The following BLTP1 variants were observed in gnomAD, a reference collection of about 807,000 sequenced individuals.
The protein encoded by BLTP1 is bridge-like lipid transfer protein family member 1.
the BLTP1 span, chr4:122,347,807 G>T: frequency 2.0e-6 from 3 of 1,525,008 alleles, no homozygotes; most frequent in South Asian, 3.5e-5. Flanking sequence ...GTTATCAGTA[G>T]CCCTACAGTG....
the BLTP1 span, among the ~76,000 whole-genome samples, chr4:122,355,347 A>T: frequency 6.6e-6 from 1 of 152,152 alleles, no homozygotes; most frequent in East Asian, 1.9e-4. Flanking sequence ...ATCCTATTTA[A>T]TCTCAAATTC....
At chr4:122,328,793 C>A in the BLTP1 span, 6 of 974,962 alleles carry the variant, frequency 6.2e-6, no homozygotes, top group Non-Finnish European at 6.1e-6. Context: ...AAAGAAATAA[C>A]ATGAAATGGT....
At chr4:122,355,570 T>TATATATATAAATATATGTATATATAC in the BLTP1 span, among the ~76,000 whole-genome samples, 2 of 148,656 alleles carry the variant, frequency 1.3e-5, no homozygotes, top group Non-Finnish European at 3.0e-5. Context: ...ATATCATATG[T>TATATATATAAATATATGTATATATAC]ATATATATAA....
At chr4:122,344,202 C>T in the BLTP1 span, 4 of 418,380 alleles carry the variant, frequency 9.6e-6, no homozygotes, top group African/African-American at 6.5e-5. Flanking sequence ...GGGTTTGAAC[C>T]TCTTAAATTG....
chr4:122,237,409 C>T, the BLTP1 span: 1 of 951,006 alleles, frequency 1.1e-6, no homozygotes. Flanking sequence ...TATTGAGTGC[C>T]TTCTGTGTAT....
the BLTP1 span, chr4:122,336,767 A>G: frequency 5.4e-6 from 7 of 1,296,482 alleles, no homozygotes; most frequent in African/African-American, 7.7e-5. Context: ...TACAGAAGCA[A>G]ATGTTTCCGG....
the BLTP1 span, chr4:122,274,836 G>A: frequency 1.5e-3 from 234 of 155,578 alleles, no homozygotes; most frequent in Middle Eastern, 3.3e-3. Context: ...ATTAGTCCTA[G>A]ATTGACTAAG....
At chr4:122,235,527 C>T in the BLTP1 span, 902 of 971,866 alleles carry the variant, frequency 9.3e-4, 7 homozygotes, top group African/African-American at 0.015. Flanking sequence ...TAACTCTGGC[C>T]GGGCGTGGTG....
At chr4:122,215,312 C>A in the BLTP1 span, 1 of 927,118 alleles carries the variant, frequency 1.1e-6, no homozygotes, top group Non-Finnish European at 1.3e-6. Context: ...CTACAGGAAT[C>A]TAAATTTTTT....
chr4:122,164,695 A>T, the BLTP1 span, among the ~76,000 whole-genome samples: 1 of 152,102 alleles, frequency 6.6e-6, no homozygotes, highest in Non-Finnish European at 1.5e-5. Context: ...ATTTGATTAT[A>T]TTGGTATGGA....
At chr4:122,241,363 C>T in the BLTP1 span, among the ~76,000 whole-genome samples, 6 of 152,152 alleles carry the variant, frequency 3.9e-5, no homozygotes, top group Non-Finnish European at 8.8e-5. Context: ...AGCTTATAGA[C>T]CATGGCATCA....
the BLTP1 span, chr4:122,206,958 C>A: frequency 1.8e-6 from 1 of 557,968 alleles, no homozygotes; most frequent in Admixed American, 3.6e-5. Context: ...TATTTAAATA[C>A]ATCCTAATCA....
At chr4:122,187,661 A>G in the BLTP1 span, 125 of 893,876 alleles carry the variant, frequency 1.4e-4, no homozygotes, top group Admixed American at 7.0e-5. Flanking sequence ...TGAAATAATT[A>G]TTTTAAAATA....
At chr4:122,165,518 T>C in the BLTP1 span, among the ~76,000 whole-genome samples, 2 of 132,590 alleles carry the variant, frequency 1.5e-5, no homozygotes, top group East Asian at 5.7e-4. Context: ...TTGTGAATAG[T>C]GCCGCAATAA....
chr4:122,280,030 G>C, the BLTP1 span: 5 of 1,610,020 alleles, frequency 3.1e-6, no homozygotes, highest in Non-Finnish European at 4.2e-6. Context: ...TACTACCTCA[G>C]GGTATTCTTT....
chr4:122,281,483 T>C, the BLTP1 span: 3 of 1,455,948 alleles, frequency 2.1e-6, no homozygotes, highest in Non-Finnish European at 2.7e-6. Flanking sequence ...TTTTCTACAA[T>C]AAAATGGTAC....
the BLTP1 span, among the ~76,000 whole-genome samples, chr4:122,256,290 C>G: frequency 3.3e-5 from 5 of 152,168 alleles, no homozygotes; most frequent in African/African-American, 1.2e-4. Flanking sequence ...TTTACTCCCT[C>G]CCTGTGAATT....
At chr4:122,158,999 G>T in the BLTP1 span, among the ~76,000 whole-genome samples, 7 of 152,076 alleles carry the variant, frequency 4.6e-5, no homozygotes, top group Non-Finnish European at 7.4e-5. Flanking sequence ...TATAGTGTTT[G>T]GATCATCAGT....
chr4:122,306,250 G>T, the BLTP1 span, among the ~76,000 whole-genome samples: 6 of 152,028 alleles, frequency 3.9e-5, no homozygotes, highest in Non-Finnish European at 8.8e-5. Context: ...TTGTCTTCTG[G>T]CTGGATAACA....
Sources: gnomAD v4.1 joint callset for allele counts (sites outside exome capture counted in the v4.1 genomes callset) on GRCh38, gnomAD v4.1.1 for gene constraint, MANE v1.5 for transcripts, NCBI Gene and HGNC (gene_info 2026-07-23, HGNC 2026-07-21) for gene names.